STOML3: variants seen among roughly 807,000 people sequenced by gnomAD.
The protein encoded by STOML3 is stomatin-like protein 3.
In STOML3, 31 loss-of-function variants were observed where a neutral mutation model predicts 29.5. That is an observed-to-expected ratio of 1.05 (90% CI 0.79 to 1.42). The LOEUF is 1.42. Ranked by LOEUF, STOML3 falls within the 40% of genes most tolerant of loss-of-function variation. The probability of loss-of-function intolerance (pLI) is 0.00; values close to 1 mark genes in which losing one functional copy is unlikely to be tolerated. For synonymous variants in STOML3, 122 were observed against 139.8 expected, an observed-to-expected ratio of 0.87 and a Z score of 0.90; for missense variants, 380 against 363.0, an observed-to-expected ratio of 1.05 and a Z score of -0.38.
chr13:38,989,086 G>A (rs113112986), intron 1 of STOML3, among the ~76,000 whole-genome samples: 7,184 of 149,848 alleles, frequency 0.048, 197 homozygotes, highest in South Asian at 0.1. Flanking sequence ...AGTTGCAAGG[G>A]CAAACTTAGT....
intron 1 of STOML3, among the ~76,000 whole-genome samples, chr13:38,986,688 C>T (rs948867567): frequency 2.6e-5 from 4 of 152,148 alleles, no homozygotes; most frequent in Non-Finnish European, 5.9e-5. Flanking sequence ...ATCTTCCCTC[C>T]TTCCTTTTTC....
chr13:38,970,460 C>T (rs1880822434), intron 4 of STOML3, 72 bp from the exon 5 acceptor site: 1 of 1,290,980 alleles, frequency 7.7e-7, no homozygotes, highest in Non-Finnish European at 1.1e-6. Context: ...ACAGCCAGCC[C>T]AAGAGCCATC....
chr13:38,979,995 A>G, intron 1 of STOML3: 1 of 1,519,940 alleles, frequency 6.6e-7, no homozygotes, highest in Non-Finnish European at 8.9e-7. Flanking sequence ...CAAAGTAGAC[A>G]CAGCCTTAAC....
intron 1 of STOML3, among the ~76,000 whole-genome samples, chr13:38,979,439 GGTGT>G (rs1463708142): frequency 2.6e-5 from 4 of 151,948 alleles, no homozygotes; most frequent in Non-Finnish European, 2.9e-5. Context: ...TTACCGGTTT[GGTGT>G]GCATTCTCTA....
intron 1 of STOML3, 118 bp downstream of exon 1, chr13:38,990,552 A>G (rs1445702302): frequency 9.3e-6 from 9 of 965,950 alleles, no homozygotes; most frequent in Middle Eastern, 4.5e-4. Context: ...TATAAATGAA[A>G]TTGAGGCCGA....
chr13:38,973,690 T>C (rs1380088100), intron 3 of STOML3, among the ~76,000 whole-genome samples: 1 of 152,168 alleles, frequency 6.6e-6, no homozygotes, highest in Non-Finnish European at 1.5e-5. Context: ...CAAAGCAGCA[T>C]GGTGTTAATA....
Position 38,990,670 on chromosome 13 carries a change from C to T in STOML3, c.52G>A (p.Gly18Ser). The change falls in exon 1 of 7, where the codon GGT (glycine) becomes AGT (serine). Residue 18 changes from glycine to serine, a missense_variant and splice_region_variant. Transcript: ENST00000379631. ...PEKQDKENFV[G>S]VNNKRLGVCG... ...CCTAAGACAGGAAAAAGGAACTTAC[C>T]CACGAAATTCTCTTTATCTTGCTTC... 1 of 1,613,730 alleles carries T rather than the reference C, an allele frequency of 6.2e-7. No homozygotes were observed. The highest frequency in any genetic ancestry group is 1.6e-4 in the Middle Eastern group (1 of 6,062).
chr13:38,982,872 C>T (rs1033792688), intron 1 of STOML3, among the ~76,000 whole-genome samples: 2 of 152,098 alleles, frequency 1.3e-5, no homozygotes. Context: ...CCCCTCTGTC[C>T]ACCTGGCACA....
In STOML3 at chr13:38,969,125, T is replaced by C. The variant is rs375982396; in HGVS notation, c.517-591A>G. Among the ~76,000 whole-genome samples the C allele has an allele frequency of 2.2e-3, 338 of 152,366 alleles. 1 individual carries two copies. The highest frequency in any genetic ancestry group is 5.2e-3 in the South Asian group (25 of 4,830). ...TTTTGAGATATTATTTATCTCGCTC[T>C]GTTTAACTTCTGCTCTATGGCCAGC... On this transcript the variant is annotated intron_variant, in intron 5 of 6. Transcript: ENST00000379631.
At chr13:38,974,573 A>T (rs895963686) in intron 3 of STOML3, among the ~76,000 whole-genome samples, 8 of 152,170 alleles carry the variant, frequency 5.3e-5, no homozygotes, top group Admixed American at 1.3e-4. Context: ...AAAGTACTAA[A>T]TACAGTGCCA....
chr13:38,985,928 T>TC (rs1431264320), intron 1 of STOML3, among the ~76,000 whole-genome samples: 1 of 145,102 alleles, frequency 6.9e-6, no homozygotes, highest in Non-Finnish European at 1.5e-5. Flanking sequence ...TTTTTTTTTT[T>TC]TTTTTGTTTG....
chr13:38,967,119 G>T (rs1386158518), intron 6 of STOML3, 70 bp from the exon 7 acceptor site: 1 of 1,406,366 alleles, frequency 7.1e-7, no homozygotes, highest in Non-Finnish European at 9.7e-7. Flanking sequence ...CTTTTTCTGG[G>T]TCTGTATTGA....
chr13:38,983,837 C>T (rs922219658), intron 1 of STOML3, among the ~76,000 whole-genome samples: 2 of 152,154 alleles, frequency 1.3e-5, no homozygotes, highest in East Asian at 1.9e-4. Context: ...TCCCTTTTAC[C>T]ATTTGCTTTC....
In STOML3 at chr13:38,966,908, C is replaced by T. The variant is rs535083746; in HGVS notation, c.793G>A (p.Val265Met). The change falls in exon 7 of 7, where the codon GTG (valine) becomes ATG (methionine). Residue 265 changes from valine to methionine, a missense_variant. Physicochemically the swap from Val to Met is conservative, Grantham distance 21. Coordinates refer to ENST00000379631, the MANE Select transcript of STOML3 (RefSeq NM_145286.3). ...TVATEKNSTI[V>M]FPLPMNILEG... ...AGTATATTCATGGGCAGAGGAAACA[C>T]AATCGTAGAATTCTTCTCGGTGGCT... is the stretch of plus-strand genomic sequence containing the variant. 9 of 1,614,036 alleles carry T rather than the reference C, an allele frequency of 5.6e-6. No individual in the cohort carries two copies. In the South Asian group the frequency reaches 9.9e-5, roughly 18 times the overall value.
intron 5 of STOML3, among the ~76,000 whole-genome samples, chr13:38,969,029 T>C (rs1428763688): frequency 6.6e-6 from 1 of 152,184 alleles, no homozygotes; most frequent in Non-Finnish European, 1.5e-5. Context: ...TGTTATTAGA[T>C]ATGGAGACAA....
At chr13:38,981,390 A>T (rs1881262806) in intron 1 of STOML3, among the ~76,000 whole-genome samples, 1 of 152,164 alleles carries the variant, frequency 6.6e-6, no homozygotes, top group Admixed American at 6.6e-5. Context: ...TCAAGGCAAG[A>T]TTGGCTACTT....
chr13:38,980,052 C>A, intron 1 of STOML3: 1 of 1,551,682 alleles, frequency 6.4e-7, no homozygotes, highest in Non-Finnish European at 8.7e-7. Context: ...TCGCACTGAC[C>A]TACAAGCTCG....
intron 5 of STOML3, among the ~76,000 whole-genome samples, chr13:38,968,772 A>C (rs1880757647): frequency 6.6e-6 from 1 of 152,168 alleles, no homozygotes; most frequent in African/African-American, 2.4e-5. Flanking sequence ...CAGACCTTTT[A>C]GTGGGTGTCT....
intron 4 of STOML3, among the ~76,000 whole-genome samples, chr13:38,971,288 C>T (rs920790852): frequency 3.3e-5 from 5 of 152,276 alleles, no homozygotes; most frequent in African/African-American, 1.2e-4. Context: ...CTGCCTCAGC[C>T]TCTCAAAGTG....
Sources: allele counts gnomAD v4.1 joint callset (sites outside exome capture counted in the v4.1 genomes callset), GRCh38; gene constraint gnomAD v4.1.1; transcripts MANE v1.5; gene names NCBI Gene and HGNC (gene_info 2026-07-23, HGNC 2026-07-21).